STK39: variants seen among roughly 807,000 people sequenced by gnomAD.
STK39 encodes STE20/SPS1-related proline-alanine-rich protein kinase.
Under a neutral mutation model 77.8 loss-of-function variants are expected in STK39, and 20 were observed. The observed-to-expected ratio is 0.26, with a 90% CI of 0.18 to 0.37. STK39 has a LOEUF of 0.37. Ranked by LOEUF, STK39 falls within the 10% of genes least tolerant of loss-of-function variation. The pLI is 1.00. For missense variants in STK39, 479 were observed against 656.5 expected (o/e 0.73, Z 2.95); for synonymous variants, 246 against 234.1 (o/e 1.05, Z -0.47).
chr2:167,962,727 T>G (rs6719629), intron 17 of STK39, among the ~76,000 whole-genome samples: 50,125 of 151,934 alleles, frequency 0.33, 9,079 homozygotes, highest in Non-Finnish European at 0.41. Flanking sequence ...TCATCCAAAA[T>G]GAGGAATCTA....
chr2:168,243,746 G>GTAAACACTTATAT (rs1553465144), intron 1 of STK39, among the ~76,000 whole-genome samples: 1 of 152,088 alleles, frequency 6.6e-6, no homozygotes, highest in Non-Finnish European at 1.5e-5. Flanking sequence ...ATTCCATTAC[G>GTAAACACTTATAT]GATGGCCAAG....
chr2:167,993,229 A>G (rs576422034), intron 16 of STK39, among the ~76,000 whole-genome samples: 3 of 152,326 alleles, frequency 2.0e-5, no homozygotes, highest in South Asian at 4.1e-4. Flanking sequence ...AAGCCCCACA[A>G]TGGGCTCATG....
chr2:168,222,047 G>A (rs546926627), intron 1 of STK39, among the ~76,000 whole-genome samples: 1 of 152,138 alleles, frequency 6.6e-6, no homozygotes. Flanking sequence ...GAGATGACAG[G>A]CATGTTTATA....
chr2:168,096,856 A>G (rs1000772199), intron 10 of STK39, among the ~76,000 whole-genome samples: 17 of 152,272 alleles, frequency 1.1e-4, no homozygotes, highest in African/African-American at 3.6e-4. Flanking sequence ...TTCCATATTT[A>G]TATTCTGAAT....
chr2:168,011,040 G>A (rs1325732548), intron 16 of STK39, among the ~76,000 whole-genome samples: 1 of 152,218 alleles, frequency 6.6e-6, no homozygotes. Flanking sequence ...GCTCACGCCT[G>A]TAATCCCAGC....
rs536982733 is a variant in STK39, at chr2:168,193,540, G to T, written c.209-11450C>A. 2.0e-5 allele frequency among the ~76,000 whole-genome samples: 3 copies of T among 152,330 alleles called. No homozygotes were observed. The East Asian group carries it at 5.8e-4, about 30-fold the overall frequency. Reference sequence around the variant, plus strand: ...GAACACCTGCTAAGCCCCGGTGGAAGCAGCAGCATGCTGCAGTCTCTGCCT... The same window carrying T: ...GAACACCTGCTAAGCCCCGGTGGAATCAGCAGCATGCTGCAGTCTCTGCCT... On this transcript the variant is annotated intron_variant, in intron 1 of 17. Transcript: ENST00000355999.
intron 2 of STK39, among the ~76,000 whole-genome samples, chr2:168,174,410 C>T (rs6433041): frequency 0.26 from 39,878 of 151,912 alleles, 5,876 homozygotes; most frequent in East Asian, 0.56. Context: ...AATTAAAATT[C>T]GCTTGGAAGT....
intron 12 of STK39, among the ~76,000 whole-genome samples, chr2:168,069,957 A>G (rs1685896931): frequency 1.3e-5 from 2 of 152,238 alleles, no homozygotes; most frequent in Admixed American, 1.3e-4. Flanking sequence ...TTTAAAGATA[A>G]AGTCAATTTC....
chr2:168,238,047 C>T (rs1217619296), intron 1 of STK39, among the ~76,000 whole-genome samples: 1 of 152,140 alleles, frequency 6.6e-6, no homozygotes, highest in Admixed American at 6.5e-5. Flanking sequence ...AAATGTAATC[C>T]TTTTTCAATC....
chr2:168,247,060 T>C (rs1317320849), intron 1 of STK39, among the ~76,000 whole-genome samples, 168 bp downstream of exon 1: 1 of 6,370 alleles, frequency 1.6e-4, no homozygotes, highest in African/African-American at 3.7e-4. Context: ...ACATTAAAAA[T>C]TAAAAAAAAA....
At position 168,209,858 on chromosome 2, in the gene STK39, G is replaced by A. The variant is rs566633983; in HGVS notation, c.209-27768C>T. On this transcript the variant is annotated intron_variant, in intron 1 of 17. Transcript: ENST00000355999. Reference sequence around the variant, plus strand: ...TATTAAAAATACAAAAACTAATCAGGCGTGGTGGCAGGCGTCTATAATCCC... The same window carrying A: ...TATTAAAAATACAAAAACTAATCAGACGTGGTGGCAGGCGTCTATAATCCC... Among the ~76,000 whole-genome samples the A allele has an allele frequency of 1.6e-4, 24 of 152,080 alleles. No homozygotes were observed. The South Asian group carries it at 5.0e-3, about 32-fold the overall frequency.
At chr2:168,200,389 G>A (rs1029405842) in intron 1 of STK39, among the ~76,000 whole-genome samples, 1 of 152,130 alleles carries the variant, frequency 6.6e-6, no homozygotes, top group African/African-American at 2.4e-5. Context: ...CTTAAGCTGG[G>A]CATGGTGACT....
At chr2:167,957,865 G>A (rs1022868418) in intron 17 of STK39, among the ~76,000 whole-genome samples, 1 of 152,178 alleles carries the variant, frequency 6.6e-6, no homozygotes, top group Non-Finnish European at 1.5e-5. Flanking sequence ...AGTGGTTACG[G>A]TGAGAACATC....
chr2:168,220,000 A>C lies in STK39; in HGVS notation c.208+27228T>G, dbSNP rs916513128. On this transcript the variant is annotated intron_variant, in intron 1 of 17. Transcript: ENST00000355999. ...GTATGCTATGAGGTACTGTCCAAGGAAAGAGATGGAGAGCCTTCCTTTGCT... is the reference window on the plus strand; with the variant it reads ...GTATGCTATGAGGTACTGTCCAAGGCAAGAGATGGAGAGCCTTCCTTTGCT... Among the ~76,000 whole-genome samples, 7 of 152,026 alleles carry C rather than the reference A, an allele frequency of 4.6e-5. 1 individual carries two copies. The highest frequency in any genetic ancestry group is 3.3e-4 in the Admixed American group (5 of 15,248).
At position 168,026,648 on chromosome 2, in the gene STK39, G is replaced by A. The variant is rs141350862; in HGVS notation, c.1377-9553C>T. Among the ~76,000 whole-genome samples the A allele has an allele frequency of 7.5e-3, 1,143 of 152,276 alleles. 9 individuals carry two copies. Among genetic ancestry groups the A allele is most frequent in the African/African-American group, 0.025 (1,051 of 41,530 alleles). On this transcript the variant is annotated intron_variant, in intron 14 of 17. Transcript: ENST00000355999. ...CAAACTGCAGGCAGGGTGAGGGGAG[G>A]TGCAATCTCTAAAAGGAAGACTTTT...
At chr2:168,217,252 G>C (rs1220404676) in intron 1 of STK39, among the ~76,000 whole-genome samples, 2 of 152,174 alleles carry the variant, frequency 1.3e-5, no homozygotes, top group Admixed American at 1.3e-4. Flanking sequence ...TTCCATTACA[G>C]ATCCACCTGG....
intron 14 of STK39, among the ~76,000 whole-genome samples, chr2:168,030,652 C>T (rs957551632): frequency 1.3e-5 from 2 of 152,240 alleles, no homozygotes; most frequent in East Asian, 1.9e-4. Context: ...ACAGGTGGTA[C>T]TGCAAGATAA....
chr2:168,125,461 T>G (rs1687517298), intron 10 of STK39, among the ~76,000 whole-genome samples: 1 of 152,156 alleles, frequency 6.6e-6, no homozygotes, highest in Non-Finnish European at 1.5e-5. Context: ...AAAAAAAAGT[T>G]ATACAGCTGC....
intron 16 of STK39, among the ~76,000 whole-genome samples, chr2:168,007,303 A>G (rs1194477839): frequency 2.0e-5 from 3 of 152,172 alleles, no homozygotes; most frequent in South Asian, 2.1e-4. Context: ...CTAGAATCCT[A>G]TATCTCAAAG....
Sources: gnomAD v4.1 joint callset for allele counts (sites outside exome capture counted in the v4.1 genomes callset) on GRCh38, gnomAD v4.1.1 for gene constraint, MANE v1.5 for transcripts, NCBI Gene and HGNC (gene_info 2026-07-23, HGNC 2026-07-21) for gene names.